The following PRSS55 variants were observed in gnomAD, a reference collection of about 807,000 sequenced individuals.
The protein encoded by PRSS55 is probable serine protease UNQ9391/PRO34284.
A neutral mutation model predicts 23.6 loss-of-function variants in PRSS55; 41 were observed. The observed-to-expected ratio is 1.74, with a 90% CI of 1.35 to 2.26. The LOEUF is 2.26. Among genes scored for constraint, PRSS55 ranks in the 30% most tolerant of loss-of-function variants. PRSS55 has a pLI of 0.00. For synonymous variants in PRSS55, 262 were observed against 175.5 expected (o/e 1.49, Z -3.90); for missense variants, 669 against 439.1 (o/e 1.52, Z -4.68).
intron 1 of PRSS55, among the ~76,000 whole-genome samples, chr8:10,527,721 G>A (rs903285184): frequency 1.3e-5 from 2 of 152,216 alleles, no homozygotes; most frequent in Admixed American, 1.3e-4. Flanking sequence ...GACTAGTTGT[G>A]TGACGCTGGG....
intron 4 of PRSS55, among the ~76,000 whole-genome samples, chr8:10,537,055 G>C (rs539533421): frequency 6.6e-6 from 1 of 152,216 alleles, no homozygotes; most frequent in African/African-American, 2.4e-5. Context: ...GAAAATCTTG[G>C]GTTACAGGAT....
chr8:10,526,626 C>T (rs768694271), intron 1 of PRSS55, among the ~76,000 whole-genome samples: 1 of 152,352 alleles, frequency 6.6e-6, no homozygotes, highest in South Asian at 2.1e-4. Context: ...CTGGCATGAA[C>T]CTGAAAGTCA....
chr8:10,532,669 T>C (rs966014863), intron 3 of PRSS55, among the ~76,000 whole-genome samples: 4 of 152,194 alleles, frequency 2.6e-5, no homozygotes, highest in Non-Finnish European at 4.4e-5. Context: ...GGAAGTCTTC[T>C]TGGGAGTAGA....
downstream of PRSS55, among the ~76,000 whole-genome samples, chr8:10,543,658 A>G (rs575303262): frequency 2.6e-4 from 39 of 151,682 alleles, 1 homozygote; most frequent in South Asian, 8.2e-3. Flanking sequence ...TTTCTACATC[A>G]TATAAGCATT....
chr8:10,537,304 G>A (rs184324723), intron 4 of PRSS55, among the ~76,000 whole-genome samples: 2 of 152,276 alleles, frequency 1.3e-5, no homozygotes, highest in African/African-American at 4.8e-5. Flanking sequence ...CATAAAAAAT[G>A]AAATCCTGTC....
At position 10,525,658 on chromosome 8, in the gene PRSS55, C is replaced by A; in HGVS notation, c.73C>A (p.Pro25Thr). 1.2e-6 allele frequency: 2 copies of A among 1,614,172 alleles called. No homozygotes were observed. Among genetic ancestry groups the A allele is most frequent in the African/African-American group, 1.3e-5 (1 of 75,066 alleles). ...TCAGCTCGGTCCACGGACTCCTCTC[C>A]CAGAGGCTGGAGTGGCTATCCTAGG... is the stretch of plus-strand genomic sequence containing the variant. ...GTQLGPRTPLPEAGVAILGRA... is the reference protein window; with the variant it reads ...GTQLGPRTPLTEAGVAILGRA... The change falls in exon 1 of 5, where the codon CCA (proline) becomes ACA (threonine). Residue 25 changes from proline to threonine, a missense_variant. Transcript: ENST00000328655.
At chr8:10,552,908 C>A (rs142370250) in intron 4 of PRSS55, among the ~76,000 whole-genome samples, 2 of 152,336 alleles carry the variant, frequency 1.3e-5, no homozygotes, top group African/African-American at 4.8e-5. Context: ...CCTGCAATCC[C>A]ACTTCGGGGT....
intron 4 of PRSS55, among the ~76,000 whole-genome samples, chr8:10,537,789 G>A (rs2117048440): frequency 6.6e-6 from 1 of 152,276 alleles, no homozygotes; most frequent in Admixed American, 6.5e-5. Context: ...ATCCCAGCCA[G>A]TCTACCATAG....
intron 4 of PRSS55, among the ~76,000 whole-genome samples, chr8:10,547,082 C>G (rs1812835982): frequency 6.6e-6 from 1 of 152,232 alleles, no homozygotes; most frequent in African/African-American, 2.4e-5. Context: ...AGACCACGCT[C>G]TGGCTTCACG....
In PRSS55 at chr8:10,525,695, G is replaced by T. The variant is rs143770095; in HGVS notation, c.110G>T (p.Gly37Val). Residue 37 changes from glycine to valine, a missense_variant, in exon 1 of 5, where the codon GGA (glycine) becomes GTA (valine). Physicochemically the swap from Gly to Val is moderately radical, Grantham distance 109 (BLOSUM62 -3). Transcript: ENST00000328655. The part of the protein sequence containing the change: ...AGVAILGRAR[G>V]AHRPQPPHPP... ...GTGGCTATCCTAGGCAGGGCTAGGG[G>T]AGCCCACCGCCCTCAGCCCCCTCAT... 3.1e-6 allele frequency: 5 copies of T among 1,613,658 alleles called. No individual in the cohort carries two copies. Among genetic ancestry groups the T allele is most frequent in the Admixed American group, 3.3e-5 (2 of 59,964 alleles).
At chr8:10,541,718 G>A (rs1246163932), downstream of PRSS55, among the ~76,000 whole-genome samples, 2 of 152,184 alleles carry the variant, frequency 1.3e-5, no homozygotes, top group Non-Finnish European at 2.9e-5. Flanking sequence ...TCTGTACTGT[G>A]AAGGGGCTTC....
Position 10,531,322 on chromosome 8 carries a change from G to A in PRSS55, c.375G>A (p.Gly125=), listed in dbSNP as rs1812250595. 5.0e-6 allele frequency: 8 copies of A among 1,614,068 alleles called. No individual in the cohort carries two copies. Among genetic ancestry groups the A allele is most frequent in the Non-Finnish European group, 6.8e-6 (8 of 1,180,030 alleles). The change falls in exon 3 of 5, where the codon GGG becomes GGA. Residue 125 remains glycine (G), a synonymous_variant. Coordinates refer to ENST00000328655, the MANE Select transcript of PRSS55 (RefSeq NM_198464.4). ...CAGAAGAACTGAGTGTCGTGCTGGG[G>A]ACCAACGACTTAACTAGCCCATCCA... ...LFPEELSVVL[G]TNDLTSPSME...
At chr8:10,533,619 GA>G (rs926820423) in intron 4 of PRSS55, among the ~76,000 whole-genome samples, 3 of 151,836 alleles carry the variant, frequency 2.0e-5, no homozygotes, top group African/African-American at 4.8e-5. Flanking sequence ...CAGAAAAATA[GA>G]AAAAAAATCA....
At chr8:10,530,696 A>C (rs1812220203) in intron 2 of PRSS55, among the ~76,000 whole-genome samples, 1 of 152,254 alleles carries the variant, frequency 6.6e-6, no homozygotes, top group East Asian at 1.9e-4. Flanking sequence ...GTTTGAAGAC[A>C]CACACACTGA....
intron 4 of PRSS55, among the ~76,000 whole-genome samples, chr8:10,548,506 G>C (rs7846127): frequency 0.56 from 85,072 of 151,996 alleles, 25,082 homozygotes; most frequent in South Asian, 0.74. Flanking sequence ...CCGCGGGGCT[G>C]CACTGGGTCC....
At chr8:10,527,967 C>G (rs1812096709) in intron 1 of PRSS55, among the ~76,000 whole-genome samples, 1 of 152,178 alleles carries the variant, frequency 6.6e-6, no homozygotes, top group Admixed American at 6.5e-5. Context: ...AATCCCAGCA[C>G]TTTGGGAGGC....
In PRSS55 at chr8:10,538,527, T is replaced by C; in HGVS notation, c.793T>C (p.Tyr265His). Residue 265 changes from tyrosine to histidine, a missense_variant, in exon 5 of 5, where the codon TAC becomes CAC. By Grantham distance (83) the Tyr-to-His change is moderately conservative (BLOSUM62 2). Transcript: ENST00000328655. ...CACCCCAGAGCCTGGTGAGAAGTGG[T>C]ACCAGGTGGGCATCATAAGCTGGGG... is the stretch of plus-strand genomic sequence containing the variant. ...VCTPEPGEKWYQVGIISWGKS... is the reference protein window; with the variant it reads ...VCTPEPGEKWHQVGIISWGKS... 8 of 1,614,084 alleles carry C rather than the reference T, an allele frequency of 5.0e-6. No individual in the cohort carries two copies. Among genetic ancestry groups the C allele is most frequent in the Non-Finnish European group, 6.8e-6 (8 of 1,179,974 alleles).
intron 4 of PRSS55, among the ~76,000 whole-genome samples, chr8:10,549,128 G>A (rs935554668): frequency 1.3e-5 from 2 of 152,204 alleles, no homozygotes; most frequent in Non-Finnish European, 2.9e-5. Flanking sequence ...TGGTCTAGAG[G>A]GGGAGATGGA....
Position 10,553,987 on chromosome 8 carries a change from TCAAA to T in PRSS55, c.791_794del (p.Thr264SerfsTer37). On this transcript the variant is annotated frameshift_variant, in exon 5 of 5. Coordinates refer to the PRSS55 transcript ENST00000522210. LOFTEE classifies it high-confidence loss of function. ...TACAAAGAATGAACACCGGAAGCTC[TCAAA>T]CAAAGCCGCCTGGGTCTCACACCTT... The T allele has an allele frequency of 6.5e-7, 1 of 1,532,756 alleles. No homozygotes were observed. Among genetic ancestry groups the T allele is most frequent in the Non-Finnish European group, 8.7e-7 (1 of 1,145,490 alleles). The allele number at this position is 1,532,756 out of a possible 1,614,324, so 94.9% of individuals were successfully genotyped here.
Sources: gnomAD v4.1 joint callset for allele counts (sites outside exome capture counted in the v4.1 genomes callset) on GRCh38, gnomAD v4.1.1 for gene constraint, MANE v1.5 for transcripts, NCBI Gene and HGNC (gene_info 2026-07-23, HGNC 2026-07-21) for gene names.